Variants in TMEM67 observed in about 807,000 individuals in gnomAD.
TMEM67 encodes meckelin.
A neutral mutation model predicts 136.6 loss-of-function variants in TMEM67; 124 were observed. The observed-to-expected ratio is 0.91, with a 90% CI of 0.78 to 1.05. TMEM67 has a LOEUF of 1.05. Ranked by LOEUF, TMEM67 falls within the 50% of genes least tolerant of loss-of-function variation. The pLI, the probability that TMEM67 is intolerant of heterozygous loss-of-function variation, is 0.00. For synonymous variants in TMEM67, 364 were observed against 390.5 expected (o/e 0.93, Z 0.80); for missense variants, 1,107 against 1,178.4 (o/e 0.94, Z 0.89).
At chr8:93,802,031 C>T (rs1814893198) in intron 21 of TMEM67, among the ~76,000 whole-genome samples, 1 of 152,162 alleles carries the variant, frequency 6.6e-6, no homozygotes, top group South Asian at 2.1e-4. Flanking sequence ...TGAAGCTTTT[C>T]ATATTTGGTT....
At chr8:93,823,003 A>T (rs1263058085), downstream of TMEM67, among the ~76,000 whole-genome samples, 1 of 152,242 alleles carries the variant, frequency 6.6e-6, no homozygotes, top group Non-Finnish European at 1.5e-5. Flanking sequence ...GGTAGATAAG[A>T]CATTGCCTCT....
intron 3 of TMEM67, among the ~76,000 whole-genome samples, chr8:93,761,610 TTATGA>T (rs1252206519): frequency 1.3e-5 from 2 of 152,194 alleles, no homozygotes; most frequent in African/African-American, 4.8e-5. Context: ...ATCAATTAAA[TTATGA>T]TATAGTCATA....
chr8:93,788,068 T>C (rs1408739660), intron 14 of TMEM67, 119 bp downstream of exon 14: 6 of 741,654 alleles, frequency 8.1e-6, no homozygotes, highest in Non-Finnish European at 1.4e-5. Context: ...TAAACCTTTC[T>C]CTACATATAG....
At chr8:93,768,161 C>T (rs1002280280) in intron 6 of TMEM67, among the ~76,000 whole-genome samples, 7 of 151,924 alleles carry the variant, frequency 4.6e-5, no homozygotes, top group Admixed American at 6.6e-5. Context: ...CCACCACACC[C>T]GACTGGAGTC....
Position 93,808,921 on chromosome 8 carries a change from C to A in TMEM67, c.2521C>A (p.Gln841Lys), listed in dbSNP as rs371452453. 8 of 1,611,462 alleles carry A rather than the reference C, an allele frequency of 5.0e-6. No homozygotes were observed. The highest frequency in any genetic ancestry group is 6.8e-6 in the Non-Finnish European group (8 of 1,177,878). The part of the protein sequence containing the change: ...FEIAISNQMR[Q>K]HYDRIHETLI... ...GATTGCAATTTCTAACCAGATGAGA[C>A]AACATTATGACAGAATTCATGAGAC... is the stretch of plus-strand genomic sequence containing the variant. The change falls in exon 24 of 28, where the codon CAA (glutamine) becomes AAA (lysine). Residue 841 changes from glutamine to lysine, a missense_variant. This residue lies in a region of TMEM67 where 925 missense variants were observed against 1,002.4 expected (regional missense o/e 0.92). Transcript: ENST00000453321.
Position 93,793,317 on chromosome 8 carries a change from T to C in TMEM67, c.1674+21T>C, listed in dbSNP as rs762631066. ...TACAGGTATAATCTCAGGAGTTTTT[T>C]AAGAATATTTTTATCTTTTGACCAT... On this transcript the variant is annotated intron_variant, in intron 16 of 27. Transcript: ENST00000453321. 2.5e-6 allele frequency: 4 copies of C among 1,581,572 alleles called. No homozygotes were observed. The South Asian group carries it at 4.4e-5, about 17-fold the overall frequency.
chr8:93,825,257 A>G, the TMEM67 span, among the ~76,000 whole-genome samples: 1 of 152,364 alleles, frequency 6.6e-6, no homozygotes, highest in Non-Finnish European at 1.5e-5. Flanking sequence ...TATAGGTGCG[A>G]CATTCCAGAG....
chr8:93,812,548 C>T (rs1048866491), intron 26 of TMEM67, among the ~76,000 whole-genome samples: 2 of 152,198 alleles, frequency 1.3e-5, no homozygotes, highest in African/African-American at 4.8e-5. Context: ...GGATTCAAAA[C>T]CTGACTCTAC....
At chr8:93,761,784 A>G (rs1443717477) in intron 3 of TMEM67, among the ~76,000 whole-genome samples, 8 of 152,206 alleles carry the variant, frequency 5.3e-5, no homozygotes, top group Admixed American at 1.3e-4. Flanking sequence ...TATCAGCACT[A>G]TTTTATGTAC....
At chr8:93,824,712 G>T in the TMEM67 span, among the ~76,000 whole-genome samples, 330 of 151,856 alleles carry the variant, frequency 2.2e-3, 1 homozygote, top group Non-Finnish European at 3.2e-3. Flanking sequence ...CTCTTTTTTT[G>T]TTGTTTTTGT....
chr8:93,811,941 G>C (rs1489894999), intron 26 of TMEM67, among the ~76,000 whole-genome samples: 4 of 151,830 alleles, frequency 2.6e-5, no homozygotes, highest in Non-Finnish European at 4.4e-5. Flanking sequence ...CCTGAGGTCA[G>C]GAGTTCGAGA....
At chr8:93,814,293 C>T (rs1228256019) in intron 26 of TMEM67, among the ~76,000 whole-genome samples, 32 of 151,646 alleles carry the variant, frequency 2.1e-4, no homozygotes, top group Non-Finnish European at 3.7e-4. Context: ...GCGCCCGCCA[C>T]CATGCGTGGC....
chr8:93,785,802 G>A (rs990146482), intron 12 of TMEM67: 4 of 221,682 alleles, frequency 1.8e-5, no homozygotes, highest in Middle Eastern at 1.8e-3. Context: ...TCCAAGGCAC[G>A]GTGGCTCACG....
intron 14 of TMEM67, among the ~76,000 whole-genome samples, chr8:93,790,333 T>C (rs188885267): frequency 2.5e-4 from 38 of 152,350 alleles, no homozygotes; most frequent in Admixed American, 2.4e-3. Flanking sequence ...TTCTTGTTCC[T>C]GTTTCTAAGA....
At chr8:93,819,645 G>T (rs1453768742), downstream of TMEM67, among the ~76,000 whole-genome samples, 1 of 152,110 alleles carries the variant, frequency 6.6e-6, no homozygotes, top group Non-Finnish European at 1.5e-5. Context: ...TGACCTCAGA[G>T]AAGTGGATTT....
rs773700963 is a variant in TMEM67, at chr8:93,809,811, A to C, written c.2688A>C (p.Ile896=). ...DHVHKEMDYF[I]KDKLLLERIL... ...TTCATAAGGAAATGGATTACTTTAT[A>C]AAAGATAAGTTGCTTCTTGAAAGAA... The change falls in exon 26 of 28, where the codon ATA becomes ATC. Residue 896 remains isoleucine, a synonymous_variant. Coordinates refer to ENST00000453321, the MANE Select transcript of TMEM67 (RefSeq NM_153704.6). The C allele has an allele frequency of 1.0e-5, 16 of 1,600,572 alleles. No homozygotes were observed. Among genetic ancestry groups the C allele is most frequent in the Middle Eastern group, 3.3e-4 (2 of 6,042 alleles).
In TMEM67 at chr8:93,781,765, A is replaced by C. The variant is rs568713105; in HGVS notation, c.1065+21A>C. 8 of 1,429,222 alleles carry C rather than the reference A, an allele frequency of 5.6e-6. No individual in the cohort carries two copies. The South Asian group carries it at 7.2e-5, about 13-fold the overall frequency. 88.5% of individuals were successfully genotyped at this position (1,429,222 alleles called of 1,614,324 possible). A position where few individuals can be genotyped will look rare whatever the true frequency, so the allele number is the denominator to read the frequency against. On this transcript the variant is annotated intron_variant, in intron 10 of 27. Coordinates refer to ENST00000453321, the MANE Select transcript of TMEM67 (RefSeq NM_153704.6). The stretch of plus-strand genomic sequence containing the variant: ...TACAGGTAAGCATGATTCTAGTTAA[A>C]GAATTAATAACATGCATTATTTTTG...
intron 19 of TMEM67, 41 bp downstream of exon 19, chr8:93,797,274 T>C (rs751048655): frequency 6.2e-7 from 1 of 1,611,502 alleles, no homozygotes; most frequent in Non-Finnish European, 8.5e-7. Flanking sequence ...ATTCTTTTGC[T>C]ACCCTTGCAG....
chr8:93,767,102 C>T lies in TMEM67; in HGVS notation c.651+1456C>T, dbSNP rs566694517. ...ATGGTCATGTCCCTTTAGCTTCCTC[C>T]GATCTGGAACTAGGTCCTCAGTGTT... On this transcript the variant is annotated intron_variant, in intron 6 of 27. Coordinates refer to ENST00000453321, the MANE Select transcript of TMEM67 (RefSeq NM_153704.6). Among the ~76,000 whole-genome samples the T allele has an allele frequency of 4.6e-5, 7 of 152,258 alleles. No homozygotes were observed. The East Asian group carries it at 7.7e-4, about 17-fold the overall frequency.
Sources: gnomAD v4.1 joint callset for allele counts (sites outside exome capture counted in the v4.1 genomes callset) on GRCh38, gnomAD v4.1.1 for gene constraint, gnomAD v4.1.1 regional missense constraint, MANE v1.5 for transcripts, NCBI Gene and HGNC (gene_info 2026-07-23, HGNC 2026-07-21) for gene names.